Variants in UGT2B17 observed in about 807,000 individuals in gnomAD.
The protein encoded by UGT2B17 is UDP glucuronosyltransferase family 2 member B17, also known as UDP-glucuronosyltransferase 2B17.
UGT2B17 carries 21 observed loss-of-function variants against 48.2 expected under a neutral mutation model. That is an observed-to-expected ratio of 0.44 (90% confidence interval 0.31 to 0.63). The LOEUF is 0.63. Ranked by LOEUF, UGT2B17 falls within the 20% of genes least tolerant of loss-of-function variation. The pLI is 0.08. For missense variants in UGT2B17, 402 were observed against 696.1 expected, an observed-to-expected ratio of 0.58 and a Z score of 4.75; for synonymous variants, 146 against 238.4, an observed-to-expected ratio of 0.61 and a Z score of 3.57.
At chr4:68,545,640 GT>G (rs1490540835) in intron 6 of UGT2B17, among the ~76,000 whole-genome samples, 1 of 125,626 alleles carries the variant, frequency 8.0e-6, no homozygotes, top group Non-Finnish European at 1.7e-5. Context: ...CCAAGAGCTG[GT>G]TTTTTGAAAA....
intron 6 of UGT2B17, among the ~76,000 whole-genome samples, chr4:68,538,870 C>G (rs1730603419): frequency 8.0e-6 from 1 of 125,348 alleles, no homozygotes; most frequent in Middle Eastern, 4.0e-3. Flanking sequence ...CACCTTAGCC[C>G]GTTTACACCT....
rs1173373427 is a variant in UGT2B17 at position 68,540,291 on chromosome 4, T to C, written c.1314-2387A>G. ...GATCATTATTTTGTCTACTTTGGTC[T>C]GTTTAAATTTAATGCGAGTACTGGT... is the stretch of plus-strand genomic sequence containing the variant. On this transcript the variant is annotated intron_variant, in intron 6 of 6. Coordinates refer to ENST00000317746, the MANE Select transcript of UGT2B17 (RefSeq NM_001077.4). Among the ~76,000 whole-genome samples, 7 of 127,302 alleles carry C rather than the reference T, an allele frequency of 5.5e-5. 1 individual carries two copies. The highest frequency in any genetic ancestry group is 1.9e-4 in the African/African-American group (7 of 37,296). The allele number at this position is 127,302 out of a possible 152,430, so 83.5% of individuals were successfully genotyped here. A position where few individuals can be genotyped will look rare whatever the true frequency, so the allele number is the denominator to read the frequency against.
rs1478437347 is a variant in UGT2B17 at position 68,553,169 on chromosome 4, A to T, written c.1006-1258T>A. On this transcript the variant is annotated intron_variant, in intron 4 of 6. Transcript: ENST00000317746. ...TCCAGTATTTCTCCCATCAGATTTG[A>T]CAAACTTTACCTGACTTGATCATAT... is the stretch of plus-strand genomic sequence containing the variant. Among the ~76,000 whole-genome samples, 2 of 125,494 alleles carry T rather than the reference A, an allele frequency of 1.6e-5. 1 individual carries two copies. Among genetic ancestry groups the T allele is most frequent in the Non-Finnish European group, 3.4e-5 (2 of 59,338 alleles). 82.3% of individuals were successfully genotyped at this position (125,494 alleles called of 152,430 possible).
chr4:68,555,245 T>A (rs2109768716), intron 4 of UGT2B17, among the ~76,000 whole-genome samples: 1 of 125,994 alleles, frequency 7.9e-6, no homozygotes, highest in African/African-American at 2.7e-5. Context: ...ACATAGGGGT[T>A]ACAAAACTGT....
In UGT2B17 at chr4:68,564,997, C is replaced by A. The variant is rs1431815866; in HGVS notation, c.873+575G>T. On this transcript the variant is annotated intron_variant, in intron 3 of 6. Coordinates refer to ENST00000317746, the MANE Select transcript of UGT2B17 (RefSeq NM_001077.4). The stretch of plus-strand genomic sequence containing the variant: ...TTCAGGGATTATAGGTGTGAGCCAC[C>A]TTGCCTGGCCTCTGGTTTTCTTTTT... 1.6e-5 allele frequency among the ~76,000 whole-genome samples: 2 copies of A among 126,282 alleles called. 1 individual carries two copies. Among genetic ancestry groups the A allele is most frequent in the Non-Finnish European group, 3.4e-5 (2 of 59,578 alleles). The allele number at this position is 126,282 out of a possible 152,430, so 82.8% of individuals were successfully genotyped here.
Position 68,550,696 on chromosome 4 carries a change from A to T in UGT2B17, c.1294T>A (p.Ser432Thr). 7.3e-7 allele frequency: 1 copy of T among 1,376,328 alleles called. No homozygotes were observed. The highest frequency in any genetic ancestry group is 9.5e-7 in the Non-Finnish European group (1 of 1,053,338). The allele number at this position is 1,376,328 out of a possible 1,614,324, so 85.3% of individuals were successfully genotyped here. A position where few individuals can be genotyped will look rare whatever the true frequency, so the allele number is the denominator to read the frequency against. The change falls in exon 6 of 7, where the codon TCA (serine) becomes ACA (threonine). Residue 432 changes from serine (S) to threonine (T), a missense_variant. This residue lies in a region of UGT2B17 where 156 missense variants were observed against 258.6 expected (regional missense o/e 0.60). Transcript: ENST00000317746. ...SSRDLLNALK[S>T]VINDPIYKEN... ...ACTCACATAGGGTCATTAATGACTG[A>T]CTTCAATGCATTGAGCAAATCTCTA...
At chr4:68,565,021 T>C (rs1731172730) in intron 3 of UGT2B17, among the ~76,000 whole-genome samples, 1 of 126,506 alleles carries the variant, frequency 7.9e-6, no homozygotes, top group Non-Finnish European at 1.7e-5. Flanking sequence ...GGTTTTCTTT[T>C]TGGGTCTTTC....
In UGT2B17 at chr4:68,562,853, T is replaced by C. The variant is rs182951690; in HGVS notation, c.874-2185A>G. ...TATGCCTTTTTATCCTACAAAAAAA[T>C]TGTGATCTTGTTCTACTCATCATTC... On this transcript the variant is annotated intron_variant, in intron 3 of 6. Coordinates refer to ENST00000317746, the MANE Select transcript of UGT2B17 (RefSeq NM_001077.4). 4.1e-3 allele frequency among the ~76,000 whole-genome samples: 519 copies of C among 126,480 alleles called. 121 individuals are homozygous for C. Among genetic ancestry groups the C allele is most frequent in the South Asian group, 0.017 (47 of 2,716 alleles). The allele number at this position is 126,480 out of a possible 152,430, so 83.0% of individuals were successfully genotyped here.
chr4:68,567,253 C>T lies in UGT2B17; in HGVS notation c.724+508G>A, dbSNP rs1350261784. ...AATATTAGAAATCTCAAGTTTTAGG[C>T]TTCTGTTTCTGGAGTAGAGCCACTA... On this transcript the variant is annotated intron_variant, in intron 2 of 6. Transcript: ENST00000317746. 6.4e-4 allele frequency among the ~76,000 whole-genome samples: 80 copies of T among 125,414 alleles called. 23 individuals are homozygous for T. The highest frequency in any genetic ancestry group is 1.1e-3 in the Non-Finnish European group (66 of 59,334). The allele number at this position is 125,414 out of a possible 152,430, so 82.3% of individuals were successfully genotyped here.
chr4:68,549,138 T>A (rs1298409568), intron 6 of UGT2B17, among the ~76,000 whole-genome samples: 4 of 120,796 alleles, frequency 3.3e-5, no homozygotes, highest in Admixed American at 8.4e-5. Context: ...TCTTACTAAT[T>A]TTTTGGTAAA....
At position 68,568,568 on chromosome 4, in the gene UGT2B17, G is replaced by A; in HGVS notation, c.-64-20C>T. On this transcript the variant is annotated intron_variant, in intron 1 of 6. Transcript: ENST00000317746. Reference sequence around the variant, plus strand: ...TTATATCTGAGGAAAAATCAATCAAGTTAAAATATAACTGCTAAAATTTGA... The same window carrying A: ...TTATATCTGAGGAAAAATCAATCAAATTAAAATATAACTGCTAAAATTTGA... 1 of 1,219,666 alleles carries A rather than the reference G, an allele frequency of 8.2e-7. No individual in the cohort carries two copies. The highest frequency in any genetic ancestry group is 1.0e-6 in the Non-Finnish European group (1 of 970,168). 75.6% of individuals were successfully genotyped at this position (1,219,666 alleles called of 1,614,324 possible).
chr4:68,546,386 T>G (rs1730806596), intron 6 of UGT2B17, among the ~76,000 whole-genome samples: 1 of 126,698 alleles, frequency 7.9e-6, no homozygotes, highest in Non-Finnish European at 1.7e-5. Context: ...CACTTCATGC[T>G]AAAAACTCTC....
At chr4:68,553,571 C>G (rs181431394) in intron 4 of UGT2B17, among the ~76,000 whole-genome samples, 1 of 125,110 alleles carries the variant, frequency 8.0e-6, no homozygotes, top group African/African-American at 2.7e-5. Context: ...GACCTGATCT[C>G]TTTGGCTTCG....
intron 6 of UGT2B17, among the ~76,000 whole-genome samples, chr4:68,540,498 A>C (rs1345301715): frequency 8.0e-6 from 1 of 125,650 alleles, no homozygotes; most frequent in African/African-American, 2.7e-5. Flanking sequence ...TAATTTTTGT[A>C]TTTTTAGTAG....
chr4:68,546,595 G>GA (rs1425012052), intron 6 of UGT2B17, among the ~76,000 whole-genome samples: 1 of 125,664 alleles, frequency 8.0e-6, no homozygotes, highest in African/African-American at 2.7e-5. Flanking sequence ...GCAGGATAAG[G>GA]AAATACAGGG....
At chr4:68,551,971 A>T in intron 4 of UGT2B17, 60 bp from the exon 5 acceptor site, 1 of 1,100,468 alleles carries the variant, frequency 9.1e-7, no homozygotes, top group South Asian at 2.4e-5. Context: ...ATAACTTGTT[A>T]GAATTCTGAA....
intron 6 of UGT2B17, among the ~76,000 whole-genome samples, chr4:68,545,458 C>A (rs1253195606): frequency 9.0e-5 from 11 of 122,854 alleles, no homozygotes; most frequent in African/African-American, 3.1e-4. Flanking sequence ...ACTAAATGCC[C>A]ACAAGAGAAA....
intron 5 of UGT2B17, 117 bp downstream of exon 5, chr4:68,551,707 T>A (rs1285801011): frequency 1.3e-6 from 1 of 748,784 alleles, no homozygotes; most frequent in Admixed American, 3.5e-5. Context: ...TAGTTAAATT[T>A]GATTTTTTTT....
In UGT2B17 at chr4:68,575,589, C is replaced by G. The variant is rs1427838017; in HGVS notation, c.-65+362G>C. Among the ~76,000 whole-genome samples, 5 of 125,926 alleles carry G rather than the reference C, an allele frequency of 4.0e-5. 2 individuals carry two copies. Among genetic ancestry groups the G allele is most frequent in the African/African-American group, 1.4e-4 (5 of 36,724 alleles). The allele number at this position is 125,926 out of a possible 152,430, so 82.6% of individuals were successfully genotyped here. On this transcript the variant is annotated intron_variant, in intron 1 of 6. Coordinates refer to ENST00000317746, the MANE Select transcript of UGT2B17 (RefSeq NM_001077.4). Reference sequence around the variant, plus strand: ...CAAAACACCATGCTCACAGCACACACACACCACAAAACAAAGAACGGGTAA... The same window carrying G: ...CAAAACACCATGCTCACAGCACACAGACACCACAAAACAAAGAACGGGTAA...
Sources: gnomAD v4.1 joint callset for allele counts (sites outside exome capture counted in the v4.1 genomes callset) on GRCh38, gnomAD v4.1.1 for gene constraint, gnomAD v4.1.1 regional missense constraint, MANE v1.5 for transcripts, NCBI Gene and HGNC (gene_info 2026-07-23, HGNC 2026-07-21) for gene names.